Variants in CARF observed in about 807,000 individuals in gnomAD.
CARF encodes the protein calcium-responsive transcription factor.
CARF carries 57 observed loss-of-function variants against 82.0 expected under a neutral mutation model. The observed-to-expected ratio is 0.70, with a 90% CI of 0.56 to 0.87. The LOEUF is 0.87. Ranked by LOEUF, CARF falls within the 40% of genes least tolerant of loss-of-function variation. The pLI, the probability that CARF is intolerant of heterozygous loss-of-function variation, is 0.00. For synonymous variants in CARF, 268 were observed against 290.1 expected (o/e 0.92, Z 0.77); for missense variants, 771 against 855.8 (o/e 0.90, Z 1.24).
chr2:202,918,931 T>C (rs568355817), intron 2 of CARF, among the ~76,000 whole-genome samples: 23 of 152,204 alleles, frequency 1.5e-4, no homozygotes, highest in Admixed American at 6.5e-4. Context: ...GTAGAAAATA[T>C]AGTTATTTTT....
At position 202,955,716 on chromosome 2, in the gene CARF, T is replaced by C. The variant is rs146242609; in HGVS notation, c.600T>C (p.Ser200=). Residue 200 remains serine, a synonymous_variant, in exon 8 of 17, where the codon TCT becomes TCC. Coordinates refer to ENST00000438828, the MANE Select transcript of CARF (RefSeq NM_024744.17). ...TTCTGGGGCCTCTTCAGCCACTTTC[T>C]TCTAATACACCTATATGGGCCTGCC... is the stretch of plus-strand genomic sequence containing the variant. ...EPLLGPLQPL[S]SNTPIWACRL... 1.7e-4 allele frequency: 273 copies of C among 1,612,582 alleles called. 2 individuals are homozygous for C. The East Asian group carries it at 5.9e-3, about 35-fold the overall frequency.
chr2:202,955,371 G>GA (rs2058987448), intron 7 of CARF, among the ~76,000 whole-genome samples: 1 of 152,100 alleles, frequency 6.6e-6, no homozygotes, highest in South Asian at 2.1e-4. Context: ...TTTGATAAAT[G>GA]AAAACAGTTA....
At chr2:202,928,877 G>C (rs562045923) in intron 3 of CARF, among the ~76,000 whole-genome samples, 1 of 152,040 alleles carries the variant, frequency 6.6e-6, no homozygotes, top group Non-Finnish European at 1.5e-5. Flanking sequence ...CCACAGGTCC[G>C]TGCCACCATC....
chr2:202,969,882 A>G, intron 10 of CARF, 37 bp from the exon 11 acceptor site: 1 of 1,290,216 alleles, frequency 7.8e-7, no homozygotes, highest in South Asian at 1.6e-5. Context: ...TGAGATTATA[A>G]TATAATGAAA....
chr2:202,942,163 C>T (rs2058259726), intron 4 of CARF, among the ~76,000 whole-genome samples, 183 bp downstream of exon 4: 2 of 152,176 alleles, frequency 1.3e-5, no homozygotes, highest in South Asian at 2.1e-4. Flanking sequence ...CACCTGAGGT[C>T]AGGAGTTCAA....
intron 11 of CARF, 152 bp downstream of exon 11, chr2:202,970,214 A>G: frequency 1.4e-6 from 1 of 714,112 alleles, no homozygotes; most frequent in Non-Finnish European, 2.2e-6. Context: ...TATTAAATTG[A>G]TTTGCCACTG....
At chr2:202,958,608 G>A (rs1297912003) in intron 8 of CARF, among the ~76,000 whole-genome samples, 2 of 151,882 alleles carry the variant, frequency 1.3e-5, no homozygotes, top group African/African-American at 4.8e-5. Context: ...AGCTGTATCA[G>A]TGATAAAAAA....
chr2:202,913,080 T>C lies in CARF; in HGVS notation c.-352T>C, dbSNP rs1261182316. 6.6e-6 allele frequency: 1 copy of C among 152,144 alleles called. No individual in the cohort carries two copies. Among genetic ancestry groups the C allele is most frequent in the African/African-American group, 2.4e-5 (1 of 41,426 alleles). The allele number at this position is 152,144 out of a possible 1,614,324, so 9.4% of individuals were successfully genotyped here. ...CAGTTTAGAATCAGGCAGAACTGGA[T>C]TGCAAAATTTATGGGCAGACCGGTA... On this transcript the variant is annotated 5_prime_UTR_variant, in exon 1 of 17. Transcript: ENST00000438828.
chr2:202,971,648 C>G lies in CARF; in HGVS notation c.1241C>G (p.Pro414Arg). The change falls in exon 12 of 17, where the codon CCC (proline) becomes CGC (arginine). Residue 414 changes from proline (P) to arginine (R), a missense_variant. By Grantham distance (103) the Pro-to-Arg change is moderately radical. Transcript: ENST00000438828. ...GTTAGAGATGAGAATTGTGCATTACCCTCACGTTTACATCCTCAAGTAGCA... is the reference window on the plus strand; with the variant it reads ...GTTAGAGATGAGAATTGTGCATTACGCTCACGTTTACATCCTCAAGTAGCA... ...TAVRDENCAL[P>R]SRLHPQVAHK... 6.2e-7 allele frequency: 1 copy of G among 1,613,548 alleles called. No homozygotes were observed. Among genetic ancestry groups the G allele is most frequent in the South Asian group, 1.1e-5 (1 of 91,064 alleles).
intron 11 of CARF, among the ~76,000 whole-genome samples, 176 bp from the exon 12 acceptor site, chr2:202,971,326 TAAG>T: frequency 6.6e-6 from 1 of 152,272 alleles, no homozygotes; most frequent in Non-Finnish European, 1.5e-5. Context: ...TTAGAAGAGT[TAAG>T]AGATCATTTT....
At chr2:202,960,137 G>T (rs1361029392) in intron 8 of CARF, among the ~76,000 whole-genome samples, 3 of 152,172 alleles carry the variant, frequency 2.0e-5, no homozygotes, top group Non-Finnish European at 2.9e-5. Context: ...GGGAAGCATA[G>T]TTACTAAATT....
chr2:202,945,758 G>A (rs1158356510), intron 5 of CARF, among the ~76,000 whole-genome samples: 2 of 152,164 alleles, frequency 1.3e-5, no homozygotes, highest in African/African-American at 4.8e-5. Flanking sequence ...TGTGAGTAGG[G>A]CATTAATGAA....
At chr2:202,925,072 A>C (rs1691543600) in intron 3 of CARF, 2 of 417,658 alleles carry the variant, frequency 4.8e-6, no homozygotes, top group South Asian at 2.0e-5. Flanking sequence ...GAGCTACATC[A>C]ACAACCTAAA....
rs141752645 is a variant in CARF at position 202,967,563 on chromosome 2, A to G, written c.953+465A>G. Among the ~76,000 whole-genome samples, 514 of 152,308 alleles carry G rather than the reference A, an allele frequency of 3.4e-3. 3 individuals carry two copies. The highest frequency in any genetic ancestry group is 0.012 in the African/African-American group (481 of 41,564). On this transcript the variant is annotated intron_variant, in intron 10 of 16. Coordinates refer to ENST00000438828, the MANE Select transcript of CARF (RefSeq NM_024744.17). ...CTCAGTGTATCTCAAAGCTGACTCC[A>G]TAGATGTACATAAAAGTACTATTTT...
intron 12 of CARF, among the ~76,000 whole-genome samples, chr2:202,973,225 T>C (rs1022436001): frequency 6.6e-6 from 1 of 152,202 alleles, no homozygotes; most frequent in African/African-American, 2.4e-5. Context: ...ATTTAGCAGT[T>C]TTCTTAGACA....
intron 3 of CARF, among the ~76,000 whole-genome samples, chr2:202,929,810 C>T (rs1692540828): frequency 6.6e-6 from 1 of 152,018 alleles, no homozygotes; most frequent in Non-Finnish European, 1.5e-5. Context: ...CCAGACTGGC[C>T]TTGGAATCCT....
chr2:202,953,498 G>GTTTCTTTTTTTTTTTTTT (rs2058859059), intron 6 of CARF, among the ~76,000 whole-genome samples: 1 of 70,294 alleles, frequency 1.4e-5, no homozygotes, highest in Admixed American at 2.4e-4. Context: ...TTTTTTTGTT[G>GTTTCTTTTTTTTTTTTTT]TTTTTTTTTT....
intron 3 of CARF, among the ~76,000 whole-genome samples, chr2:202,929,010 G>A (rs988116275): frequency 1.7e-5 from 2 of 119,082 alleles, no homozygotes; most frequent in Non-Finnish European, 4.1e-5. Flanking sequence ...GATTACAGGT[G>A]TGAGCCATCA....
chr2:202,981,672 T>A lies in CARF; in HGVS notation c.1676T>A (p.Phe559Tyr). The A allele has an allele frequency of 1.2e-6, 2 of 1,611,572 alleles. No homozygotes were observed. Among genetic ancestry groups the A allele is most frequent in the Non-Finnish European group, 1.7e-6 (2 of 1,178,652 alleles). Residue 559 changes from phenylalanine to tyrosine, a missense_variant, in exon 15 of 17, where the codon TTT becomes TAT. Phe to Tyr is a conservative substitution (Grantham distance 22). Transcript: ENST00000438828. Reference sequence around the variant, plus strand: ...CTCTCCTCATTTCAGCCCAAAATATTTACACAACTACAGGTAGGTATCCAG... The same window carrying A: ...CTCTCCTCATTTCAGCCCAAAATATATACACAACTACAGGTAGGTATCCAG... Reference protein sequence around the residue: ...SSLSSFQPKIFTQLQGLQLQP... With the variant: ...SSLSSFQPKIYTQLQGLQLQP...
Sources: gnomAD v4.1 joint callset for allele counts (sites outside exome capture counted in the v4.1 genomes callset) on GRCh38, gnomAD v4.1.1 for gene constraint, MANE v1.5 for transcripts, NCBI Gene and HGNC (gene_info 2026-07-23, HGNC 2026-07-21) for gene names.